Variants in DGKD observed in about 807,000 individuals in gnomAD.
DGKD encodes the protein diacylglycerol kinase delta, also known as DAG kinase delta.
In DGKD, 68 loss-of-function variants were observed where a neutral mutation model predicts 154.4. That is an observed-to-expected ratio of 0.44 (90% CI 0.36 to 0.54). DGKD has a LOEUF of 0.54. Among genes scored for constraint, DGKD ranks in the 20% least tolerant of loss-of-function variants. The pLI, the probability that DGKD is intolerant of heterozygous loss-of-function variation, is 0.00. For missense variants in DGKD, 1,343 were observed against 1,593.6 expected, an observed-to-expected ratio of 0.84 and a Z score of 2.68; for synonymous variants, 693 against 638.0, an observed-to-expected ratio of 1.09 and a Z score of -1.30.
At chr2:233,382,426 G>C (rs1031810083) in intron 1 of DGKD, among the ~76,000 whole-genome samples, 3 of 152,156 alleles carry the variant, frequency 2.0e-5, no homozygotes, top group African/African-American at 4.8e-5. Flanking sequence ...GTTGTTGAAG[G>C]ACCGGGGAAG....
chr2:233,378,622 G>A (rs1019926694), intron 1 of DGKD, among the ~76,000 whole-genome samples: 1 of 152,182 alleles, frequency 6.6e-6, no homozygotes, highest in Non-Finnish European at 1.5e-5. Flanking sequence ...TCTGAGCTAG[G>A]TTGAGCATCT....
intron 17 of DGKD, 113 bp downstream of exon 17, chr2:233,451,163 G>C: frequency 2.7e-6 from 2 of 741,546 alleles, no homozygotes; most frequent in Admixed American, 3.2e-5. Context: ...CCCTGAGAAA[G>C]ATAGGTGGAA....
At chr2:233,450,757 C>T (rs557230913) in intron 16 of DGKD, among the ~76,000 whole-genome samples, 165 bp from the exon 17 acceptor site, 5 of 152,354 alleles carry the variant, frequency 3.3e-5, no homozygotes, top group Admixed American at 6.5e-5. Flanking sequence ...TGTGCACCCA[C>T]TCGGTCCTCC....
At chr2:233,434,580 C>T in intron 4 of DGKD, 96 bp downstream of exon 4, 1 of 1,426,202 alleles carries the variant, frequency 7.0e-7, no homozygotes, top group South Asian at 1.2e-5. Context: ...GACCCACAGT[C>T]TGGAGCTCAC....
chr2:233,448,102 T>G lies in DGKD; in HGVS notation c.1435T>G (p.Phe479Val). Residue 479 changes from phenylalanine (F) to valine (V), a missense_variant, in exon 13 of 30, where the codon TTC becomes GTC. By Grantham distance (50) the Phe-to-Val change is conservative. Transcript: ENST00000264057. ...GTGATTGCAGGTACAGCAGATTCTC[T>G]TCTATGAAGACTCGGTTGCAGCCCA... is the stretch of plus-strand genomic sequence containing the variant. ...SEDSEVQQIL[F>V]YEDSVAAHLS... 6.2e-7 allele frequency: 1 copy of G among 1,614,042 alleles called. No individual in the cohort carries two copies. The highest frequency in any genetic ancestry group is 1.1e-5 in the South Asian group (1 of 91,064).
In DGKD at chr2:233,471,919, T is replaced by C. The variant is rs1177205359; in HGVS notation, c.*2459T>C. 6.6e-6 allele frequency: 1 copy of C among 152,362 alleles called. No individual in the cohort carries two copies. The highest frequency in any genetic ancestry group is 1.5e-5 in the Non-Finnish European group (1 of 68,052). The allele number at this position is 152,362 out of a possible 1,614,324, so 9.4% of individuals were successfully genotyped here. On this transcript the variant is annotated 3_prime_UTR_variant, in exon 30 of 30. Coordinates refer to ENST00000264057, the MANE Select transcript of DGKD (RefSeq NM_152879.3). ...GGCAGGAAGGATCCCTGAAGAGTCT[T>C]GGAGAAAAGGTTCTGTGCCCTCAGG...
chr2:233,428,650 C>G (rs914435127), intron 3 of DGKD, among the ~76,000 whole-genome samples: 1 of 152,214 alleles, frequency 6.6e-6, no homozygotes, highest in Non-Finnish European at 1.5e-5. Flanking sequence ...AGTTACACAG[C>G]TAGCAAGGGC....
chr2:233,386,273 A>G (rs1417988548), intron 1 of DGKD: 2 of 298,552 alleles, frequency 6.7e-6, no homozygotes, highest in Admixed American at 9.0e-5. Flanking sequence ...CTTTGAGGTC[A>G]ACAGAGAAAG....
chr2:233,356,510 A>G (rs1701540377), intron 1 of DGKD, among the ~76,000 whole-genome samples: 1 of 152,206 alleles, frequency 6.6e-6, no homozygotes, highest in Non-Finnish European at 1.5e-5. Context: ...CATGTGATTT[A>G]CAAGGTTGAT....
chr2:233,391,359 A>G (rs1231691092), intron 3 of DGKD, among the ~76,000 whole-genome samples: 1 of 152,046 alleles, frequency 6.6e-6, no homozygotes, highest in African/African-American at 2.4e-5. Context: ...GTCTTTACCT[A>G]CATGTACCCA....
chr2:233,434,361 A>C lies in DGKD; in HGVS notation c.349-19A>C. 6.2e-7 allele frequency: 1 copy of C among 1,603,562 alleles called. No homozygotes were observed. Among genetic ancestry groups the C allele is most frequent in the Non-Finnish European group, 8.5e-7 (1 of 1,170,884 alleles). Reference sequence around the variant, plus strand: ...TTGCCTTTTGTTCATGGATCTGTTGAACCTGTTTCTTTCTCTAGGTCATAA... The same window carrying C: ...TTGCCTTTTGTTCATGGATCTGTTGCACCTGTTTCTTTCTCTAGGTCATAA... On this transcript the variant is annotated intron_variant, in intron 3 of 29. Coordinates refer to ENST00000264057, the MANE Select transcript of DGKD (RefSeq NM_152879.3).
rs111417814 is a variant in DGKD, at chr2:233,414,159, C to T, written c.349-20221C>T. 6.2e-3 allele frequency among the ~76,000 whole-genome samples: 944 copies of T among 152,196 alleles called. 20 individuals carry two copies. The East Asian group carries it at 0.08, about 13-fold the overall frequency. The stretch of plus-strand genomic sequence containing the variant: ...CCCTGGAGCAAACACATGAATCAGC[C>T]AGGGAGTTAAAAAAGAACAGGGTAG... On this transcript the variant is annotated intron_variant, in intron 3 of 29. Transcript: ENST00000264057.
At chr2:233,408,216 A>G (rs1329746184) in intron 3 of DGKD, among the ~76,000 whole-genome samples, 1 of 151,996 alleles carries the variant, frequency 6.6e-6, no homozygotes, top group Non-Finnish European at 1.5e-5. Context: ...CAAACTTTGT[A>G]TTTTTAGTAG....
At chr2:233,377,389 A>G (rs1327268985) in intron 1 of DGKD, among the ~76,000 whole-genome samples, 1 of 152,038 alleles carries the variant, frequency 6.6e-6, no homozygotes, top group African/African-American at 2.4e-5. Context: ...TGGCCCCTTA[A>G]TAGCATGTTC....
At chr2:233,463,976 C>G (rs1041583605) in intron 26 of DGKD, 188 bp from the exon 27 acceptor site, 1 of 692,832 alleles carries the variant, frequency 1.4e-6, no homozygotes, top group African/African-American at 1.8e-5. Context: ...ATTCTCTCAC[C>G]AGCACTACTT....
chr2:233,445,773 A>G lies in DGKD; in HGVS notation c.1334+11A>G, dbSNP rs2063046199. ...CAAGATGCTGGACAGGTGAGTGGGG[A>G]TGTGCTCCGGTGCCGTATGAGGAGA... On this transcript the variant is annotated intron_variant, in intron 11 of 29. Transcript: ENST00000264057. This position sits in a 1 kb window ranked among gnomAD's most constrained non-coding sequence, Gnocchi z 5.5. The G allele has an allele frequency of 1.9e-6, 3 of 1,605,972 alleles. No individual in the cohort carries two copies. The highest frequency in any genetic ancestry group is 1.1e-5 in the South Asian group (1 of 89,872).
chr2:233,443,451 C>T (rs1388859154), intron 10 of DGKD, among the ~76,000 whole-genome samples: 2 of 152,170 alleles, frequency 1.3e-5, no homozygotes, highest in African/African-American at 2.4e-5. Context: ...GTCAGTTCAA[C>T]ATCCTTTTTG....
intron 27 of DGKD, among the ~76,000 whole-genome samples, chr2:233,466,082 C>A (rs1326349988): frequency 6.6e-6 from 1 of 152,042 alleles, no homozygotes; most frequent in Non-Finnish European, 1.5e-5. Context: ...ATTAGCTGTT[C>A]AAGACTATGT....
At chr2:233,448,645 C>T (rs577261512) in intron 14 of DGKD, among the ~76,000 whole-genome samples, 1 of 152,210 alleles carries the variant, frequency 6.6e-6, no homozygotes, top group African/African-American at 2.4e-5. Flanking sequence ...CCAAATACCC[C>T]CTAGAAGTAT....
Sources: gnomAD v4.1 joint callset for allele counts (sites outside exome capture counted in the v4.1 genomes callset) on GRCh38, gnomAD v4.1.1 for gene constraint, Gnocchi (gnomAD v3.1) non-coding constraint, MANE v1.5 for transcripts, NCBI Gene and HGNC (gene_info 2026-07-23, HGNC 2026-07-21) for gene names.